The following DIP2A variants were observed in gnomAD, a reference collection of about 807,000 sequenced individuals.
DIP2A encodes the protein disco-interacting protein 2 homolog A.
In DIP2A, 85 loss-of-function variants were observed where a neutral mutation model predicts 177.4. The observed-to-expected ratio is 0.48, with a 90% confidence interval of 0.40 to 0.57. DIP2A has a LOEUF of 0.57. Ranked by LOEUF, DIP2A falls within the 20% of genes least tolerant of loss-of-function variation. DIP2A has a pLI of 0.00. For missense variants in DIP2A, 1,791 were observed against 2,100.2 expected, an observed-to-expected ratio of 0.85 and a Z score of 2.88; for synonymous variants, 886 against 881.8, an observed-to-expected ratio of 1.00 and a Z score of -0.08.
intron 16 of DIP2A, chr21:46,538,864 G>T: frequency 4.6e-6 from 2 of 430,774 alleles, no homozygotes; most frequent in Non-Finnish European, 8.3e-6. Context: ...TCTTTCTTAA[G>T]AAATTACCAG....
At chr21:46,477,574 T>TGTGTGTGTG (rs1292980032) in intron 1 of DIP2A, among the ~76,000 whole-genome samples, 2 of 93,718 alleles carry the variant, frequency 2.1e-5, no homozygotes, top group South Asian at 3.2e-4. Context: ...TGTGTATTTC[T>TGTGTGTGTG]TTTTTTTTTT....
intron 1 of DIP2A, among the ~76,000 whole-genome samples, chr21:46,466,187 A>C (rs926430658): frequency 3.5e-4 from 53 of 152,176 alleles, no homozygotes; most frequent in African/African-American, 1.3e-3. Flanking sequence ...GAAGATCCAC[A>C]TAATTTTGTG....
At chr21:46,545,829 C>A in intron 19 of DIP2A, 52 bp from the exon 20 acceptor site, 1 of 1,591,050 alleles carries the variant, frequency 6.3e-7, no homozygotes, top group South Asian at 1.1e-5. Context: ...GTCTTTTTGG[C>A]CAGTTGGTTG....
chr21:46,545,959 C>A lies in DIP2A; in HGVS notation c.2392C>A (p.Pro798Thr), dbSNP rs1179892012. Residue 798 changes from proline (P) to threonine (T), a missense_variant and splice_region_variant, in exon 20 of 38, where the codon CCT (proline) becomes ACT (threonine). Transcript: ENST00000417564. ...GACAGGCCTGCTGGGCTTCATCGGG[C>A]CTGTGAGTATGTCCTCCTGTACCAG... ...TRTGLLGFIG[P>T]DNLVFIVGKL... The A allele has an allele frequency of 1.2e-6, 2 of 1,613,876 alleles. No homozygotes were observed. Among genetic ancestry groups the A allele is most frequent in the East Asian group, 2.2e-5 (1 of 44,882 alleles).
intron 8 of DIP2A, among the ~76,000 whole-genome samples, chr21:46,522,041 G>A (rs1465223352): frequency 1.3e-5 from 2 of 152,218 alleles, no homozygotes; most frequent in Admixed American, 1.3e-4. Flanking sequence ...GTTTATGACC[G>A]TAAAGCATTT....
chr21:46,539,730 G>T (rs984116631), intron 16 of DIP2A, 147 bp from the exon 17 acceptor site: 2 of 708,748 alleles, frequency 2.8e-6, no homozygotes, highest in Admixed American at 4.0e-5. Context: ...AAGTCTGAGG[G>T]TACCTGTGAA....
intron 32 of DIP2A, among the ~76,000 whole-genome samples, chr21:46,560,046 C>A (rs1433367350): frequency 6.6e-6 from 1 of 152,168 alleles, no homozygotes; most frequent in South Asian, 2.1e-4. Context: ...AAACTATTTT[C>A]AAAAAATGTT....
At chr21:46,566,414 C>T in intron 36 of DIP2A, 146 bp from the exon 37 acceptor site, 4 of 1,088,454 alleles carry the variant, frequency 3.7e-6, no homozygotes, top group Non-Finnish European at 5.2e-6. Flanking sequence ...CTCCATCACC[C>T]TTTCTGCACG....
At chr21:46,512,731 C>T (rs1286849716) in intron 8 of DIP2A, among the ~76,000 whole-genome samples, 2 of 151,226 alleles carry the variant, frequency 1.3e-5, no homozygotes, top group African/African-American at 4.9e-5. Flanking sequence ...CTCCTGGGCT[C>T]GAGATGCTCC....
Position 46,485,177 on chromosome 21 carries a change from C to T in DIP2A, c.163+349C>T, listed in dbSNP as rs190126964. Among the ~76,000 whole-genome samples the T allele has an allele frequency of 7.9e-5, 12 of 152,224 alleles. No individual in the cohort carries two copies. The East Asian group carries it at 2.3e-3, about 29-fold the overall frequency. On this transcript the variant is annotated intron_variant, in intron 2 of 37. Transcript: ENST00000417564. The stretch of plus-strand genomic sequence containing the variant: ...GCTAGAGCATCTATTGTAAAGATGT[C>T]GGTTCTTCCCACATTAGATTGATTT...
At position 46,557,111 on chromosome 21, in the gene DIP2A, C is replaced by T. The variant is rs372546477; in HGVS notation, c.3629+42C>T. 14 of 1,556,106 alleles carry T rather than the reference C, an allele frequency of 9.0e-6. No homozygotes were observed. Among genetic ancestry groups the T allele is most frequent in the African/African-American group, 2.7e-5 (2 of 73,526 alleles). ...TGCTGCCTGCCAGGTGGGAGCAGCT[C>T]GTGTGGCTCTTAGGAACCTTGGCCT... is the stretch of plus-strand genomic sequence containing the variant. On this transcript the variant is annotated intron_variant, in intron 30 of 37. Transcript: ENST00000417564. This position sits in a 1 kb window ranked among gnomAD's most constrained non-coding sequence, Gnocchi z 6.0.
At chr21:46,582,351 G>A in the DIP2A span, among the ~76,000 whole-genome samples, 1 of 152,208 alleles carries the variant, frequency 6.6e-6, no homozygotes, top group Middle Eastern at 3.4e-3. Flanking sequence ...CTCCCCCTAG[G>A]TACTCAGTTG....
rs547921592 is a variant in DIP2A, at chr21:46,490,640, G to A, written c.204G>A (p.Gly68=). 7 of 1,585,556 alleles carry A rather than the reference G, an allele frequency of 4.4e-6. No individual in the cohort carries two copies. In the East Asian group the frequency reaches 1.4e-4, roughly 31 times the overall value. The change falls in exon 3 of 38, where the codon GGG becomes GGA. Residue 68 remains glycine, a synonymous_variant. Coordinates refer to ENST00000417564, the MANE Select transcript of DIP2A (RefSeq NM_015151.4). ...PSLQAENRIP[G]PSQTTAAAPK... Reference sequence around the variant, plus strand: ...TGCAAGCAGAGAATAGAATTCCTGGGCCCTCACAAACCACGGCCGCTGCAC... The same window carrying A: ...TGCAAGCAGAGAATAGAATTCCTGGACCCTCACAAACCACGGCCGCTGCAC...
chr21:46,520,132 C>CTTG (rs939197698), intron 8 of DIP2A, among the ~76,000 whole-genome samples: 10 of 152,192 alleles, frequency 6.6e-5, no homozygotes, highest in Admixed American at 5.9e-4. Context: ...TCTCGGCCTC[C>CTTG]TCAAGTGCTG....
intron 8 of DIP2A, among the ~76,000 whole-genome samples, chr21:46,528,527 C>CTTTTT (rs1162872343): frequency 1.1e-3 from 32 of 29,366 alleles, no homozygotes; most frequent in South Asian, 1.9e-3. Flanking sequence ...TTTCTGCTTG[C>CTTTTT]TTTTTTTTTT....
At chr21:46,459,249 C>G in intron 1 of DIP2A, 27 bp downstream of exon 1, 2 of 1,505,742 alleles carry the variant, frequency 1.3e-6, no homozygotes, top group South Asian at 1.2e-5. Context: ...CCTCAACCCC[C>G]GCGACCCGCC....
intron 1 of DIP2A, among the ~76,000 whole-genome samples, chr21:46,464,105 C>T (rs2054585324): frequency 6.6e-6 from 1 of 151,872 alleles, no homozygotes. Flanking sequence ...TAAAAGTTCT[C>T]ATGTTCAGCC....
rs1205683909 is a variant in DIP2A, at chr21:46,557,257, A to C, written c.3629+188A>C. On this transcript the variant is annotated intron_variant, in intron 30 of 37. Transcript: ENST00000417564. The surrounding 1 kb of genome is among the most constrained non-coding windows in gnomAD (Gnocchi z 6.0). ...TGAGTGAAAATACATTTTTCATTAAATACACTGTCCGTTATCAGTACTTGG... is the reference window on the plus strand; with the variant it reads ...TGAGTGAAAATACATTTTTCATTAACTACACTGTCCGTTATCAGTACTTGG... 3 of 677,298 alleles carry C rather than the reference A, an allele frequency of 4.4e-6. No individual in the cohort carries two copies. Among genetic ancestry groups the C allele is most frequent in the Non-Finnish European group, 4.9e-6 (2 of 411,438 alleles). The allele number at this position is 677,298 out of a possible 1,614,324, so 42.0% of individuals were successfully genotyped here.
Position 46,569,525 on chromosome 21 carries a change from A to C in DIP2A, c.*1903A>C, listed in dbSNP as rs1212575923. On this transcript the variant is annotated 3_prime_UTR_variant, in exon 38 of 38. Coordinates refer to ENST00000417564, the MANE Select transcript of DIP2A (RefSeq NM_015151.4). Reference sequence around the variant, plus strand: ...TACCTAACTCCAATCTTAATGTTGTAGTTTTATAGCAAACAAAAATTGTCA... The same window carrying C: ...TACCTAACTCCAATCTTAATGTTGTCGTTTTATAGCAAACAAAAATTGTCA... 1 of 151,908 alleles carries C rather than the reference A, an allele frequency of 6.6e-6. No homozygotes were observed. The highest frequency in any genetic ancestry group is 1.5e-5 in the Non-Finnish European group (1 of 67,982). 9.4% of individuals were successfully genotyped at this position (151,908 alleles called of 1,614,324 possible).
Sources: gnomAD v4.1 joint callset for allele counts (sites outside exome capture counted in the v4.1 genomes callset) on GRCh38, gnomAD v4.1.1 for gene constraint, Gnocchi (gnomAD v3.1) non-coding constraint, MANE v1.5 for transcripts, NCBI Gene and HGNC (gene_info 2026-07-23, HGNC 2026-07-21) for gene names.